The following AUTS2 variants were observed in gnomAD, a reference collection of about 807,000 sequenced individuals.
The protein encoded by AUTS2 is autism susceptibility gene 2 protein.
Under a neutral mutation model 112.4 loss-of-function variants are expected in AUTS2, and 17 were observed. The observed-to-expected ratio is 0.15, with a 90% CI of 0.10 to 0.23. The LOEUF is 0.23. Among genes scored for constraint, AUTS2 ranks in the 10% least tolerant of loss-of-function variants. The pLI, the probability that AUTS2 is intolerant of heterozygous loss-of-function variation, is 1.00. For missense variants in AUTS2, 1,510 were observed against 1,701.6 expected (o/e 0.89, Z 1.98); for synonymous variants, 751 against 702.7 (o/e 1.07, Z -1.09).
chr7:70,746,801 T>G (rs1221483028), intron 6 of AUTS2, among the ~76,000 whole-genome samples: 2 of 152,186 alleles, frequency 1.3e-5, no homozygotes, highest in Non-Finnish European at 2.9e-5. Context: ...CCAGCTTTTG[T>G]GAACACGGGG....
chr7:70,301,966 C>T (rs1372977358), intron 4 of AUTS2, among the ~76,000 whole-genome samples: 2 of 151,506 alleles, frequency 1.3e-5, no homozygotes, highest in African/African-American at 2.4e-5. Context: ...TTTGTAGAGG[C>T]GCATTCTCGC....
chr7:70,637,529 A>C (rs1397148753), intron 5 of AUTS2, among the ~76,000 whole-genome samples: 1 of 152,264 alleles, frequency 6.6e-6, no homozygotes, highest in Non-Finnish European at 1.5e-5. Context: ...TTAATAAATC[A>C]GATAACAGGT....
intron 4 of AUTS2, among the ~76,000 whole-genome samples, chr7:70,411,610 A>T (rs1794778967): frequency 6.6e-6 from 1 of 152,234 alleles, no homozygotes; most frequent in Admixed American, 6.5e-5. Flanking sequence ...TTTTAACATA[A>T]CATACAGTCA....
intron 1 of AUTS2, among the ~76,000 whole-genome samples, chr7:69,632,694 G>A (rs143555663): frequency 0.015 from 2,339 of 151,146 alleles, 25 homozygotes; most frequent in Non-Finnish European, 0.023. Flanking sequence ...ATAGGTAGTA[G>A]AGCCAGCTCA....
At chr7:70,606,345 G>A (rs38302) in intron 5 of AUTS2, among the ~76,000 whole-genome samples, 56,355 of 151,708 alleles carry the variant, frequency 0.37, 10,838 homozygotes, top group Non-Finnish European at 0.4. Context: ...GTTAATATTT[G>A]TATTTATATT....
At chr7:70,379,117 A>G (rs904731052) in intron 4 of AUTS2, among the ~76,000 whole-genome samples, 1 of 151,794 alleles carries the variant, frequency 6.6e-6, no homozygotes, top group South Asian at 2.1e-4. Context: ...TCACTTTGGG[A>G]TAGGTACTGT....
rs953246303 is a variant in AUTS2 at position 69,829,250 on chromosome 7, A to G, written c.310-70036A>G. On this transcript the variant is annotated intron_variant, in intron 1 of 18. Transcript: ENST00000342771. Reference sequence around the variant, plus strand: ...TTATATAAAAATTAACTCAAGATGGATTAAAGACTTAAATATAAAACCCCA... The same window carrying G: ...TTATATAAAAATTAACTCAAGATGGGTTAAAGACTTAAATATAAAACCCCA... Among the ~76,000 whole-genome samples, 30 of 152,214 alleles carry G rather than the reference A, an allele frequency of 2.0e-4. 1 individual carries two copies. The highest frequency in any genetic ancestry group is 4.4e-5 in the Non-Finnish European group (3 of 68,036).
rs1035331249 is a variant in AUTS2, at chr7:70,267,331, A to G, written c.660+132760A>G. Among the ~76,000 whole-genome samples, 9 of 149,186 alleles carry G rather than the reference A, an allele frequency of 6.0e-5. No individual in the cohort carries two copies. In the South Asian group the frequency reaches 1.1e-3, roughly 17 times the overall value. On this transcript the variant is annotated intron_variant, in intron 4 of 18. Coordinates refer to ENST00000342771, the MANE Select transcript of AUTS2 (RefSeq NM_015570.4). ...TTATGTATTCAAAAAACTTTTCTCTATAGCATTATTTCTCTGAGCTGTTTC... is the reference window on the plus strand; with the variant it reads ...TTATGTATTCAAAAAACTTTTCTCTGTAGCATTATTTCTCTGAGCTGTTTC...
At chr7:70,152,173 G>T (rs960530472) in intron 4 of AUTS2, among the ~76,000 whole-genome samples, 2 of 152,242 alleles carry the variant, frequency 1.3e-5, no homozygotes, top group African/African-American at 4.8e-5. Flanking sequence ...AGATTGAACA[G>T]AGCATCCGTG....
At chr7:69,923,203 ATTCAATTTTTC>A (rs764342943) in intron 2 of AUTS2, among the ~76,000 whole-genome samples, 8 of 152,172 alleles carry the variant, frequency 5.3e-5, no homozygotes, top group Admixed American at 2.6e-4. Context: ...GCATATGGAT[ATTCAATTTTTC>A]TGAAGGCATT....
At chr7:69,606,237 A>T (rs907529427) in intron 1 of AUTS2, among the ~76,000 whole-genome samples, 3 of 152,212 alleles carry the variant, frequency 2.0e-5, no homozygotes, top group Non-Finnish European at 4.4e-5. Context: ...TCTACACCAC[A>T]GTTTTATGTA....
chr7:70,028,072 C>A (rs28630917), intron 2 of AUTS2, among the ~76,000 whole-genome samples: 12,295 of 151,958 alleles, frequency 0.081, 631 homozygotes, highest in African/African-American at 0.13. Context: ...CCGCCCCCCC[C>A]ACCCTCATCT....
intron 1 of AUTS2, among the ~76,000 whole-genome samples, chr7:69,850,013 G>A (rs1211494102): frequency 6.6e-6 from 1 of 152,028 alleles, no homozygotes; most frequent in African/African-American, 2.4e-5. Context: ...TGTCAGACTT[G>A]GCTGGGCGCG....
intron 1 of AUTS2, among the ~76,000 whole-genome samples, chr7:69,836,411 T>C (rs918899677): frequency 1.3e-5 from 2 of 152,188 alleles, no homozygotes; most frequent in Non-Finnish European, 1.5e-5. Context: ...AGAACAATTT[T>C]ATCTTTTTGT....
chr7:70,501,042 G>T (rs1335082368), intron 5 of AUTS2, among the ~76,000 whole-genome samples: 1 of 152,058 alleles, frequency 6.6e-6, no homozygotes, highest in Non-Finnish European at 1.5e-5. Context: ...ACCTCCCAAA[G>T]TATGCATGAA....
chr7:70,481,978 G>A (rs10486873), intron 5 of AUTS2, among the ~76,000 whole-genome samples: 16,469 of 152,160 alleles, frequency 0.11, 915 homozygotes, highest in East Asian at 0.16. Flanking sequence ...CAGCTTGATG[G>A]TTTTATGCTC....
chr7:70,386,490 A>C (rs1259917514), intron 4 of AUTS2, among the ~76,000 whole-genome samples: 2 of 152,196 alleles, frequency 1.3e-5, no homozygotes, highest in Non-Finnish European at 2.9e-5. Context: ...GAACATTTTC[A>C]TCAACTAAAA....
chr7:69,865,693 CCT>C (rs1162573045), intron 1 of AUTS2, among the ~76,000 whole-genome samples: 1 of 152,136 alleles, frequency 6.6e-6, no homozygotes, highest in African/African-American at 2.4e-5. Flanking sequence ...CTTTTTAACC[CCT>C]GTGTGTACTG....
intron 4 of AUTS2, among the ~76,000 whole-genome samples, chr7:70,142,994 C>A (rs1280967051): frequency 6.6e-6 from 1 of 152,212 alleles, no homozygotes; most frequent in East Asian, 1.9e-4. Flanking sequence ...TTGACTATCA[C>A]TCAGAATCTT....
Sources: allele counts gnomAD v4.1 joint callset (sites outside exome capture counted in the v4.1 genomes callset), GRCh38; gene constraint gnomAD v4.1.1; transcripts MANE v1.5; gene names NCBI Gene and HGNC (gene_info 2026-07-23, HGNC 2026-07-21).